The following LYPLA1 variants were observed in gnomAD, a reference collection of about 807,000 sequenced individuals.
LYPLA1 encodes lysophospholipase 1.
In LYPLA1, 17 loss-of-function variants were observed where a neutral mutation model predicts 34.0. The observed-to-expected ratio is 0.50, with a 90% CI of 0.34 to 0.75. The LOEUF (loss-of-function observed/expected upper bound fraction) is 0.75. Ranked by LOEUF, LYPLA1 falls within the 30% of genes least tolerant of loss-of-function variation. The pLI is 0.01. For missense variants in LYPLA1, 203 were observed against 288.8 expected (o/e 0.70, Z 2.15); for synonymous variants, 98 against 100.8 (o/e 0.97, Z 0.17).
At chr8:54,067,554 G>C (rs1173545573) in intron 2 of LYPLA1, among the ~76,000 whole-genome samples, 1 of 152,092 alleles carries the variant, frequency 6.6e-6, no homozygotes, top group Non-Finnish European at 1.5e-5. Flanking sequence ...TTACAAAACA[G>C]GGATCATGTT....
intron 2 of LYPLA1, among the ~76,000 whole-genome samples, chr8:54,076,951 G>A (rs1291562384): frequency 6.6e-6 from 1 of 152,124 alleles, no homozygotes; most frequent in Non-Finnish European, 1.5e-5. Flanking sequence ...ATTTCTGTGT[G>A]TGTGTCTTTA....
intron 2 of LYPLA1, among the ~76,000 whole-genome samples, chr8:54,082,152 T>A (rs1808372500): frequency 6.6e-6 from 1 of 152,004 alleles, no homozygotes; most frequent in African/African-American, 2.4e-5. Context: ...ACCACACAGA[T>A]CAAAAGTTAA....
intron 8 of LYPLA1, among the ~76,000 whole-genome samples, chr8:54,048,693 C>T (rs1008803953): frequency 6.6e-6 from 1 of 152,202 alleles, no homozygotes; most frequent in African/African-American, 2.4e-5. Context: ...CTCCCTCAAA[C>T]TCACTTCCTG....
At chr8:54,090,904 C>T (rs1809190583) in intron 2 of LYPLA1, among the ~76,000 whole-genome samples, 1 of 152,168 alleles carries the variant, frequency 6.6e-6, no homozygotes, top group Non-Finnish European at 1.5e-5. Context: ...CTTCGCTCAG[C>T]TCTCATTTCT....
intron 2 of LYPLA1, among the ~76,000 whole-genome samples, chr8:54,088,345 A>T (rs1563654735): frequency 6.6e-6 from 1 of 152,224 alleles, no homozygotes; most frequent in Non-Finnish European, 1.5e-5. Flanking sequence ...ACTTTTTTCA[A>T]GGACATGAGA....
intron 6 of LYPLA1, among the ~76,000 whole-genome samples, chr8:54,054,046 T>C (rs1051857786): frequency 2.0e-5 from 3 of 152,190 alleles, no homozygotes; most frequent in African/African-American, 7.2e-5. Flanking sequence ...AGTGGTGCGA[T>C]CTTGGCTCAC....
chr8:54,080,859 A>T (rs1808263717), intron 2 of LYPLA1, among the ~76,000 whole-genome samples: 1 of 152,240 alleles, frequency 6.6e-6, no homozygotes, highest in Non-Finnish European at 1.5e-5. Context: ...AAGTGTTGGG[A>T]TTACAGGCGT....
chr8:54,067,713 T>C (rs1285606685), intron 2 of LYPLA1, among the ~76,000 whole-genome samples: 1 of 150,616 alleles, frequency 6.6e-6, no homozygotes, highest in Non-Finnish European at 1.5e-5. Flanking sequence ...TTTTTTTTTT[T>C]GAGACAGAGT....
Position 54,046,673 on chromosome 8 carries a change from AAT to A in LYPLA1, c.*1390_*1391del, listed in dbSNP as rs1351719260. 1.3e-5 allele frequency: 2 copies of A among 152,554 alleles called. No individual in the cohort carries two copies. Among genetic ancestry groups the A allele is most frequent in the Non-Finnish European group, 2.9e-5 (2 of 68,000 alleles). The allele number at this position is 152,554 out of a possible 1,614,324, so 9.5% of individuals were successfully genotyped here. On this transcript the variant is annotated 3_prime_UTR_variant, in exon 9 of 9. Transcript: ENST00000316963. Reference sequence around the variant, plus strand: ...CACCCATTTATAAAGATGCATTCTTAATATTGTTTTGGTCAGCTGGAATACAG... The same window carrying A: ...CACCCATTTATAAAGATGCATTCTTAATTGTTTTGGTCAGCTGGAATACAG...
chr8:54,082,308 C>CGTA (rs1563637650), intron 2 of LYPLA1, among the ~76,000 whole-genome samples: 2 of 152,142 alleles, frequency 1.3e-5, no homozygotes. Flanking sequence ...CACATACATA[C>CGTA]GCACCATAGT....
At chr8:54,054,893 G>A (rs1207951804) in intron 6 of LYPLA1, 167 bp downstream of exon 6, 1 of 578,054 alleles carries the variant, frequency 1.7e-6, no homozygotes, top group Non-Finnish European at 3.1e-6. Context: ...CTTTCAAGAA[G>A]AAATTAATTA....
intron 3 of LYPLA1, among the ~76,000 whole-genome samples, chr8:54,064,661 TACTA>T (rs968365556): frequency 3.9e-5 from 6 of 152,180 alleles, no homozygotes; most frequent in African/African-American, 1.4e-4. Context: ...GGGGATGAAT[TACTA>T]ACTGACATGA....
intron 3 of LYPLA1, among the ~76,000 whole-genome samples, chr8:54,065,112 G>A (rs1373440033): frequency 6.6e-6 from 1 of 152,086 alleles, no homozygotes. Context: ...TGTTTTCAAC[G>A]TAATAAAGAG....
At chr8:54,050,956 A>G (rs962166633) in intron 8 of LYPLA1, 56 bp downstream of exon 8, 6 of 1,500,558 alleles carry the variant, frequency 4.0e-6, no homozygotes, top group Non-Finnish European at 5.4e-6. Flanking sequence ...TTTCTTGAAA[A>G]TATCACATGA....
At chr8:54,096,174 T>C (rs901142160) in intron 2 of LYPLA1, among the ~76,000 whole-genome samples, 3 of 152,176 alleles carry the variant, frequency 2.0e-5, no homozygotes, top group Admixed American at 1.3e-4. Context: ...TATTAACAAT[T>C]GGGTAATTTG....
At chr8:54,066,533 C>T (rs532596243) in intron 2 of LYPLA1, among the ~76,000 whole-genome samples, 14 of 152,100 alleles carry the variant, frequency 9.2e-5, no homozygotes, top group Admixed American at 8.5e-4. Context: ...GTAATCCTAG[C>T]ACTTTGGGAG....
chr8:54,049,548 G>A (rs1436413344), intron 8 of LYPLA1, among the ~76,000 whole-genome samples: 2 of 152,102 alleles, frequency 1.3e-5, no homozygotes, highest in African/African-American at 4.8e-5. Flanking sequence ...ACAGGTGCCC[G>A]CCACCTCACC....
At chr8:54,082,907 T>C (rs1024209746) in intron 2 of LYPLA1, among the ~76,000 whole-genome samples, 1 of 152,130 alleles carries the variant, frequency 6.6e-6, no homozygotes, top group Admixed American at 6.5e-5. Context: ...TTTGTATTTT[T>C]AGTAGAGACG....
chr8:54,101,003 C>T, intron 1 of LYPLA1, 64 bp from the exon 2 acceptor site: 1 of 1,332,352 alleles, frequency 7.5e-7, no homozygotes, highest in African/African-American at 1.5e-5. Context: ...TTGTTACACA[C>T]TAGCTTTGCT....
Sources: allele counts gnomAD v4.1 joint callset (sites outside exome capture counted in the v4.1 genomes callset), GRCh38; gene constraint gnomAD v4.1.1; transcripts MANE v1.5; gene names NCBI Gene and HGNC (gene_info 2026-07-23, HGNC 2026-07-21).